MCPH1: variants seen among roughly 807,000 people sequenced by gnomAD.
MCPH1 encodes the protein microcephalin 1, also known as microcephalin.
MCPH1 carries 104 observed loss-of-function variants against 84.5 expected under a neutral mutation model. That is an observed-to-expected ratio of 1.23 (90% CI 1.05 to 1.45). The LOEUF (loss-of-function observed/expected upper bound fraction) is 1.45. Ranked by LOEUF, MCPH1 falls within the 40% of genes most tolerant of loss-of-function variation. The pLI is 0.00. For synonymous variants in MCPH1, 514 were observed against 366.8 expected (o/e 1.40, Z -4.58); for missense variants, 1,498 against 1,005.7 (o/e 1.49, Z -6.62).
At chr8:6,508,392 G>A (rs1415604953) in intron 12 of MCPH1, 3 of 155,258 alleles carry the variant, frequency 1.9e-5, no homozygotes, top group African/African-American at 7.2e-5. Context: ...GGGTTGCAGT[G>A]AGCTGCGATC....
At position 6,596,550 on chromosome 8, in the gene MCPH1, T is replaced by C. The variant is rs142374289; in HGVS notation, c.2215-24904T>C. On this transcript the variant is annotated intron_variant, in intron 12 of 13. Coordinates refer to ENST00000344683, the MANE Select transcript of MCPH1 (RefSeq NM_024596.5). ...TAGGAGATGACCCAGCACAATGGGCTGGGCAGTAAGGAAGCCAGACTCTGG... is the reference window on the plus strand; with the variant it reads ...TAGGAGATGACCCAGCACAATGGGCCGGGCAGTAAGGAAGCCAGACTCTGG... Among the ~76,000 whole-genome samples, 436 of 152,194 alleles carry C rather than the reference T, an allele frequency of 2.9e-3. 8 individuals carry two copies. Among genetic ancestry groups the C allele is most frequent in the South Asian group, 0.027 (131 of 4,818 alleles).
At chr8:6,544,666 T>C (rs978380462) in intron 12 of MCPH1, among the ~76,000 whole-genome samples, 2 of 152,192 alleles carry the variant, frequency 1.3e-5, no homozygotes, top group African/African-American at 2.4e-5. Context: ...TTTATTTCTA[T>C]AGGATTCCTC....
chr8:6,486,307 T>C (rs1809913718), intron 11 of MCPH1, among the ~76,000 whole-genome samples: 1 of 151,974 alleles, frequency 6.6e-6, no homozygotes, highest in South Asian at 2.1e-4. Flanking sequence ...GCACTCTCGC[T>C]CTCTCGCTCT....
At chr8:6,578,313 G>C (rs188527587) in intron 12 of MCPH1, among the ~76,000 whole-genome samples, 2 of 152,154 alleles carry the variant, frequency 1.3e-5, no homozygotes, top group Non-Finnish European at 2.9e-5. Flanking sequence ...CAGCATTTTC[G>C]TTGGCAAAAG....
At chr8:6,439,196 G>A (rs1482259759) in intron 6 of MCPH1, 100 bp downstream of exon 6, 8 of 1,209,450 alleles carry the variant, frequency 6.6e-6, no homozygotes, top group Admixed American at 6.6e-5. Flanking sequence ...ATGTTTCCTG[G>A]TAGTAACACA....
intron 12 of MCPH1, among the ~76,000 whole-genome samples, chr8:6,539,153 C>T (rs1229930934): frequency 6.6e-6 from 1 of 152,188 alleles, no homozygotes; most frequent in African/African-American, 2.4e-5. Flanking sequence ...GGATTTTGGG[C>T]AGCACTTTGT....
chr8:6,473,810 A>G (rs2129558880), intron 9 of MCPH1: 1 of 1,197,986 alleles, frequency 8.3e-7, no homozygotes, highest in Non-Finnish European at 1.1e-6. Flanking sequence ...AGATATCAGC[A>G]AGAGTGATTG....
intron 12 of MCPH1, among the ~76,000 whole-genome samples, chr8:6,544,790 C>T (rs917593385): frequency 6.6e-6 from 1 of 152,218 alleles, no homozygotes; most frequent in East Asian, 1.9e-4. Context: ...CCCTTACCTC[C>T]TGACTTGAAT....
At chr8:6,408,570 C>G (rs1294964778) in intron 1 of MCPH1, among the ~76,000 whole-genome samples, 1 of 152,078 alleles carries the variant, frequency 6.6e-6, no homozygotes, top group Non-Finnish European at 1.5e-5. Context: ...CAAGGTCTTT[C>G]TCTGCTGCCC....
At chr8:6,624,274 G>A (rs1350886733) in intron 13 of MCPH1, among the ~76,000 whole-genome samples, 1 of 152,216 alleles carries the variant, frequency 6.6e-6, no homozygotes, top group Non-Finnish European at 1.5e-5. Context: ...CTTGTGTCCT[G>A]TTTCTGATTT....
chr8:6,500,100 T>C (rs781078748), intron 12 of MCPH1, 171 bp downstream of exon 12: 107 of 641,282 alleles, frequency 1.7e-4, no homozygotes, highest in Non-Finnish European at 2.7e-4. Context: ...CGAGAACAAA[T>C]GTGAGAACGT....
chr8:6,539,717 G>T (rs1821191458), intron 12 of MCPH1, among the ~76,000 whole-genome samples: 1 of 152,128 alleles, frequency 6.6e-6, no homozygotes, highest in Admixed American at 6.5e-5. Context: ...TTCCCAAGTA[G>T]CTGGGGTTAC....
At chr8:6,623,379 T>C (rs1808474) in intron 13 of MCPH1, among the ~76,000 whole-genome samples, 2,960 of 152,068 alleles carry the variant, frequency 0.019, 94 homozygotes, top group African/African-American at 0.067. Context: ...TCCTGTTCTC[T>C]CATTCTTTTT....
At chr8:6,561,927 T>C (rs1825602446) in intron 12 of MCPH1, among the ~76,000 whole-genome samples, 1 of 152,200 alleles carries the variant, frequency 6.6e-6, no homozygotes, top group Admixed American at 6.5e-5. Context: ...CGTCCTGTCG[T>C]GGCATGACTT....
At chr8:6,459,016 A>T (rs960349620) in intron 9 of MCPH1, among the ~76,000 whole-genome samples, 1 of 152,182 alleles carries the variant, frequency 6.6e-6, no homozygotes, top group Non-Finnish European at 1.5e-5. Context: ...ATGGGGAGAG[A>T]AGTTTATGTT....
chr8:6,639,680 A>G (rs185215750), intron 13 of MCPH1, among the ~76,000 whole-genome samples: 103 of 151,974 alleles, frequency 6.8e-4, no homozygotes, highest in African/African-American at 2.4e-3. Flanking sequence ...AAAAAAAAAA[A>G]CATATTTACA....
intron 12 of MCPH1, among the ~76,000 whole-genome samples, chr8:6,595,709 G>A (rs1203173140): frequency 6.6e-6 from 1 of 152,222 alleles, no homozygotes; most frequent in African/African-American, 2.4e-5. Context: ...TCCATCTGCT[G>A]CAGGTTTGAG....
intron 12 of MCPH1, among the ~76,000 whole-genome samples, chr8:6,505,084 G>A (rs1021604564): frequency 4.2e-5 from 5 of 118,042 alleles, no homozygotes; most frequent in Admixed American, 9.4e-5. Flanking sequence ...AATTAACCTC[G>A]ACCCAAGCGT....
At chr8:6,465,028 TAG>T (rs1806698953) in intron 9 of MCPH1, among the ~76,000 whole-genome samples, 1 of 151,400 alleles carries the variant, frequency 6.6e-6, no homozygotes, top group Non-Finnish European at 1.5e-5. Context: ...ATTCTGCTGG[TAG>T]GCATTCTATG....
Sources: allele counts gnomAD v4.1 joint callset (sites outside exome capture counted in the v4.1 genomes callset), GRCh38; gene constraint gnomAD v4.1.1; transcripts MANE v1.5; gene names NCBI Gene and HGNC (gene_info 2026-07-23, HGNC 2026-07-21).